Variants in ANK2 observed in about 807,000 individuals in gnomAD.
ANK2 encodes ankyrin 2, also known as ankyrin-2.
Under a neutral mutation model 360.5 loss-of-function variants are expected in ANK2, and 83 were observed. The observed-to-expected ratio is 0.23, with a 90% CI of 0.19 to 0.28. ANK2 has a LOEUF of 0.28. ANK2 is among the 10% of genes least tolerant of loss of function. ANK2 has a pLI of 1.00. For missense variants in ANK2, 4,201 were observed against 4,795.7 expected (o/e 0.88, Z 3.66); for synonymous variants, 1,740 against 1,759.5 (o/e 0.99, Z 0.28).
intron 2 of ANK2, among the ~76,000 whole-genome samples, chr4:113,195,676 T>G (rs2098736835): frequency 6.6e-6 from 1 of 152,268 alleles, no homozygotes; most frequent in Non-Finnish European, 1.5e-5. Context: ...TTGCTCTGTT[T>G]AAGCCTTACT....
chr4:113,303,700 T>TA (rs771488815), intron 23 of ANK2, among the ~76,000 whole-genome samples: 3 of 152,182 alleles, frequency 2.0e-5, no homozygotes, highest in Non-Finnish European at 4.4e-5. Context: ...AGCATTTCTT[T>TA]ATGAGAAGAT....
At chr4:112,770,870 T>G in the ANK2 span, among the ~76,000 whole-genome samples, 41 of 152,326 alleles carry the variant, frequency 2.7e-4, no homozygotes, top group Admixed American at 1.5e-3. Flanking sequence ...ATGCTGATAG[T>G]CTTGCGACTG....
At chr4:113,351,809 T>G (rs375938456) in intron 37 of ANK2, among the ~76,000 whole-genome samples, 1 of 152,222 alleles carries the variant, frequency 6.6e-6, no homozygotes, top group South Asian at 2.1e-4. Flanking sequence ...TTCAGAAGTT[T>G]TAAATACAGA....
At chr4:113,276,466 A>G (rs1236397488) in intron 15 of ANK2, among the ~76,000 whole-genome samples, 1 of 152,168 alleles carries the variant, frequency 6.6e-6, no homozygotes, top group African/African-American at 2.4e-5. Context: ...TTGGATCACT[A>G]TTCTAGCAAG....
At chr4:113,237,568 T>C (rs2099393322) in intron 6 of ANK2, 31 bp from the exon 7 acceptor site, 4 of 1,596,922 alleles carry the variant, frequency 2.5e-6, no homozygotes, top group Non-Finnish European at 3.4e-6. Context: ...TGTAATATCT[T>C]CCCTCTTTCT....
At chr4:113,146,466 C>T (rs763438493) in intron 1 of ANK2, among the ~76,000 whole-genome samples, 70 of 152,120 alleles carry the variant, frequency 4.6e-4, no homozygotes, top group Non-Finnish European at 8.1e-4. Context: ...CAGTATTTCC[C>T]TCTAATATTT....
exon 1 of ANK2, chr4:112,818,228 C>T (rs1403495573): frequency 6.6e-6 from 1 of 152,282 alleles, no homozygotes; most frequent in East Asian, 1.9e-4. Context: ...TGCTGCGTGA[C>T]TCACAGGCAC....
chr4:112,939,788 C>T (rs1168868144), intron 2 of ANK2, among the ~76,000 whole-genome samples: 1 of 152,162 alleles, frequency 6.6e-6, no homozygotes, highest in Non-Finnish European at 1.5e-5. Flanking sequence ...ATGTGTTCTT[C>T]CTGAGACTTC....
chr4:113,282,874 T>C lies in ANK2; in HGVS notation c.2079+2T>C. ...GCCAATATCCACATGTCAACTAAGG[T>C]ATTCTGTCCTTTCTTGCATCAATCA... is the stretch of plus-strand genomic sequence containing the variant. On this transcript the variant is annotated splice_donor_variant, in intron 18 of 45. Coordinates refer to ENST00000357077, the MANE Select transcript of ANK2 (RefSeq NM_001148.6). LOFTEE classifies it high-confidence loss of function. The C allele has an allele frequency of 6.2e-7, 1 of 1,613,846 alleles. No homozygotes were observed. The highest frequency in any genetic ancestry group is 8.5e-7 in the Non-Finnish European group (1 of 1,179,834).
intron 1 of ANK2, among the ~76,000 whole-genome samples, chr4:113,086,137 A>T (rs867575004): frequency 6.6e-6 from 1 of 152,314 alleles, no homozygotes; most frequent in Middle Eastern, 3.4e-3. Context: ...TCTTTAATAT[A>T]AATATTAAAA....
the ANK2 span, among the ~76,000 whole-genome samples, chr4:112,722,771 TCATGTGCTTACCCCTAGAAAAGGC>T: frequency 7.2e-5 from 11 of 152,072 alleles, no homozygotes; most frequent in South Asian, 2.1e-4. Flanking sequence ...TAGAACTGGG[TCATGTGCTTACCCCTAGAAAAGGC>T]CATGTGCTTA....
intron 1 of ANK2, among the ~76,000 whole-genome samples, chr4:113,165,200 G>C (rs2097708666): frequency 6.6e-6 from 1 of 151,844 alleles, no homozygotes; most frequent in Non-Finnish European, 1.5e-5. Context: ...AAAGAGATTG[G>C]GTCTGTGATA....
chr4:113,235,747 C>T (rs1354664129), intron 5 of ANK2, among the ~76,000 whole-genome samples: 1 of 133,666 alleles, frequency 7.5e-6, no homozygotes, highest in Non-Finnish European at 1.6e-5. Flanking sequence ...AGAATGCAGT[C>T]TTTCTTTTTT....
chr4:112,817,662 G>C (rs1178822810), upstream of ANK2, among the ~76,000 whole-genome samples: 2 of 151,226 alleles, frequency 1.3e-5, no homozygotes, highest in Non-Finnish European at 2.9e-5. Flanking sequence ...TGTATATATA[G>C]ATATATATAA....
intron 2 of ANK2, among the ~76,000 whole-genome samples, chr4:112,957,744 C>T (rs1247870274): frequency 3.3e-5 from 5 of 151,136 alleles, no homozygotes; most frequent in Non-Finnish European, 7.4e-5. Flanking sequence ...CGGAGACGCT[C>T]CTCACTTCCC....
chr4:112,957,249 A>G (rs1365012823), intron 2 of ANK2, among the ~76,000 whole-genome samples: 4 of 151,882 alleles, frequency 2.6e-5, no homozygotes, highest in Non-Finnish European at 5.9e-5. Context: ...GCATCTGTTT[A>G]ACAAAGCACA....
chr4:112,942,897 A>G (rs1308111062), intron 2 of ANK2, among the ~76,000 whole-genome samples: 1 of 151,888 alleles, frequency 6.6e-6, no homozygotes, highest in Non-Finnish European at 1.5e-5. Flanking sequence ...GAGGGAGGGG[A>G]GCTTTTAAAC....
At chr4:113,017,879 T>C (rs2057058439) in intron 2 of ANK2, among the ~76,000 whole-genome samples, 1 of 152,168 alleles carries the variant, frequency 6.6e-6, no homozygotes, top group South Asian at 2.1e-4. Context: ...AAATAACCCA[T>C]CACATCATAC....
intron 2 of ANK2, among the ~76,000 whole-genome samples, chr4:112,996,272 A>G (rs2048472824): frequency 6.6e-6 from 1 of 152,140 alleles, no homozygotes; most frequent in Non-Finnish European, 1.5e-5. Context: ...TAGGGATGGG[A>G]GCAGGGAGGG....
Sources: gnomAD v4.1 joint callset for allele counts (sites outside exome capture counted in the v4.1 genomes callset) on GRCh38, gnomAD v4.1.1 for gene constraint, MANE v1.5 for transcripts, NCBI Gene and HGNC (gene_info 2026-07-23, HGNC 2026-07-21) for gene names.